Variants in CREB5 observed in about 807,000 individuals in gnomAD.
CREB5 encodes the protein cyclic AMP-responsive element-binding protein 5.
A neutral mutation model predicts 57.1 loss-of-function variants in CREB5; 19 were observed. The observed-to-expected ratio is 0.33, with a 90% CI of 0.23 to 0.49. CREB5 has a LOEUF of 0.49. Ranked by LOEUF, CREB5 falls within the 20% of genes least tolerant of loss-of-function variation. The probability of loss-of-function intolerance (pLI) is 0.99; values close to 1 mark genes in which losing one functional copy is unlikely to be tolerated. For synonymous variants in CREB5, 238 were observed against 238.3 expected (o/e 1.00, Z 0.01); for missense variants, 579 against 671.6 (o/e 0.86, Z 1.52).
At chr7:28,513,618 T>C (rs1190041954) in intron 4 of CREB5, 1 of 152,186 alleles carries the variant, frequency 6.6e-6, no homozygotes, top group African/African-American at 2.4e-5. Flanking sequence ...ACGTTCAACT[T>C]TCTCCTTGCA....
chr7:28,530,364 C>T (rs755349190), intron 4 of CREB5, among the ~76,000 whole-genome samples: 5 of 152,152 alleles, frequency 3.3e-5, no homozygotes, highest in Non-Finnish European at 7.4e-5. Context: ...AGGAAGGGGC[C>T]GTGGTCCAGC....
chr7:28,796,232 G>A (rs1381692378), intron 7 of CREB5, among the ~76,000 whole-genome samples: 1 of 152,042 alleles, frequency 6.6e-6, no homozygotes, highest in African/African-American at 2.4e-5. Context: ...TGGGTTTTTT[G>A]TCTCTATGAT....
chr7:28,369,342 T>A (rs1223678682), intron 1 of CREB5, among the ~76,000 whole-genome samples: 1 of 152,148 alleles, frequency 6.6e-6, no homozygotes, highest in Non-Finnish European at 1.5e-5. Flanking sequence ...ACCTCACTAC[T>A]GAGCAATGAC....
intron 6 of CREB5, 36 bp from the exon 7 acceptor site, chr7:28,724,186 T>A: frequency 6.3e-7 from 1 of 1,582,748 alleles, no homozygotes; most frequent in South Asian, 1.1e-5. Flanking sequence ...AGACTGCCTT[T>A]GCAGACTTCT....
chr7:28,346,418 C>T (rs1562667453), intron 1 of CREB5, among the ~76,000 whole-genome samples: 1 of 152,286 alleles, frequency 6.6e-6, no homozygotes, highest in South Asian at 2.1e-4. Context: ...GCATTAATCC[C>T]ATTCACGAGG....
At chr7:28,354,565 A>C (rs73086417) in intron 1 of CREB5, among the ~76,000 whole-genome samples, 9,845 of 152,184 alleles carry the variant, frequency 0.065, 373 homozygotes, top group East Asian at 0.15. Flanking sequence ...GTATCTCTCT[A>C]TACTATTAGT....
intron 1 of CREB5, among the ~76,000 whole-genome samples, chr7:28,342,006 A>G (rs1322638775): frequency 6.6e-6 from 1 of 152,198 alleles, no homozygotes; most frequent in African/African-American, 2.4e-5. Context: ...TCTTCTTAGT[A>G]AATGTGGTTG....
At chr7:28,450,919 A>G (rs1789764271) in intron 1 of CREB5, among the ~76,000 whole-genome samples, 1 of 152,206 alleles carries the variant, frequency 6.6e-6, no homozygotes, top group African/African-American at 2.4e-5. Flanking sequence ...TGTGGTGAGT[A>G]TCCACCATTC....
intron 1 of CREB5, among the ~76,000 whole-genome samples, chr7:28,399,827 G>A (rs1787417134): frequency 6.6e-6 from 1 of 151,842 alleles, no homozygotes; most frequent in Non-Finnish European, 1.5e-5. Flanking sequence ...AGGCGAGGTG[G>A]GTTGATCAAT....
chr7:28,417,672 G>A (rs370076672), intron 1 of CREB5, among the ~76,000 whole-genome samples: 119 of 152,218 alleles, frequency 7.8e-4, no homozygotes, highest in African/African-American at 2.7e-3. Context: ...TGAGAACCAC[G>A]GTTCTAACTG....
intron 5 of CREB5, among the ~76,000 whole-genome samples, chr7:28,576,438 T>G (rs1795913692): frequency 6.6e-6 from 1 of 152,218 alleles, no homozygotes; most frequent in African/African-American, 2.4e-5. Context: ...GTTTTGAATA[T>G]GGGTCTATTG....
intron 1 of CREB5, among the ~76,000 whole-genome samples, chr7:28,329,734 C>A (rs1445758068): frequency 2.0e-5 from 3 of 152,126 alleles, no homozygotes; most frequent in Non-Finnish European, 4.4e-5. Flanking sequence ...TGTAATTCTC[C>A]CCACATAATG....
At chr7:28,373,944 T>C (rs1464768312) in intron 1 of CREB5, among the ~76,000 whole-genome samples, 1 of 151,760 alleles carries the variant, frequency 6.6e-6, no homozygotes, top group African/African-American at 2.4e-5. Flanking sequence ...TCTAGTTTTA[T>C]AAACACTTTT....
At chr7:28,627,161 T>C (rs1342402413) in intron 5 of CREB5, among the ~76,000 whole-genome samples, 1 of 152,252 alleles carries the variant, frequency 6.6e-6, no homozygotes, top group African/African-American at 2.4e-5. Flanking sequence ...TTTTTCCCTG[T>C]CTTCTACCGT....
At chr7:28,408,647 A>T (rs1158775482), upstream of CREB5, among the ~76,000 whole-genome samples, 2 of 152,182 alleles carry the variant, frequency 1.3e-5, no homozygotes, top group Non-Finnish European at 2.9e-5. Context: ...CTTTCGCCTT[A>T]GGAGCAACTC....
rs139180480 is a variant in CREB5 at position 28,506,942 on chromosome 7, C to A, written c.170-674C>A. ...GAAAGTAAAAAATATGAAAGAAATT[C>A]TTTTCCTTTTAAAGAGCATTTGCAG... On this transcript the variant is annotated intron_variant, in intron 3 of 10. Transcript: ENST00000357727. Among the ~76,000 whole-genome samples, 55 of 152,268 alleles carry A rather than the reference C, an allele frequency of 3.6e-4. 1 individual carries two copies. Among genetic ancestry groups the A allele is most frequent in the African/African-American group, 1.2e-3 (51 of 41,562 alleles).
At chr7:28,674,738 A>G (rs1366062986) in intron 5 of CREB5, among the ~76,000 whole-genome samples, 4 of 152,236 alleles carry the variant, frequency 2.6e-5, no homozygotes, top group African/African-American at 9.6e-5. Flanking sequence ...ATTGCAAAAT[A>G]TCTTACCTGT....
chr7:28,776,032 G>A (rs1806605509), intron 7 of CREB5, among the ~76,000 whole-genome samples: 1 of 152,186 alleles, frequency 6.6e-6, no homozygotes, highest in Non-Finnish European at 1.5e-5. Context: ...TTTGTGGTGA[G>A]CTTAACTAGA....
At chr7:28,717,203 C>G (rs141003423) in intron 5 of CREB5, among the ~76,000 whole-genome samples, 1 of 147,290 alleles carries the variant, frequency 6.8e-6, no homozygotes, top group Non-Finnish European at 1.5e-5. Flanking sequence ...AGATTACAGA[C>G]GTGCGCCACC....
Sources: gnomAD v4.1 joint callset for allele counts (sites outside exome capture counted in the v4.1 genomes callset) on GRCh38, gnomAD v4.1.1 for gene constraint, MANE v1.5 for transcripts, NCBI Gene and HGNC (gene_info 2026-07-23, HGNC 2026-07-21) for gene names.